NLRP7: variants seen among roughly 807,000 people sequenced by gnomAD.
NLRP7 encodes NACHT, LRR and PYD domains-containing protein 7.
NLRP7 carries 72 observed loss-of-function variants against 85.5 expected under a neutral mutation model. That is an observed-to-expected ratio of 0.84 (90% confidence interval 0.70 to 1.02). The LOEUF (loss-of-function observed/expected upper bound fraction) is 1.02, where lower values mean the gene tolerates loss of function less well. Ranked by LOEUF, NLRP7 falls within the 50% of genes least tolerant of loss-of-function variation. The pLI, the probability that NLRP7 is intolerant of heterozygous loss-of-function variation, is 0.00. For missense variants in NLRP7, 1,243 were observed against 1,219.5 expected (o/e 1.02, Z -0.29); for synonymous variants, 550 against 505.2 (o/e 1.09, Z -1.19).
chr19:54,952,242 CCT>C (rs895445906), upstream of NLRP7, among the ~76,000 whole-genome samples: 12 of 151,884 alleles, frequency 7.9e-5, no homozygotes, highest in South Asian at 2.1e-4. Flanking sequence ...TCTTCATGCC[CCT>C]GTCTCCGCCA....
At chr19:54,932,698 C>T (rs1028239316) in intron 8 of NLRP7, among the ~76,000 whole-genome samples, 5 of 152,018 alleles carry the variant, frequency 3.3e-5, no homozygotes, top group East Asian at 1.9e-4. Flanking sequence ...CTCTGTCGCC[C>T]GGGCTGGAGT....
exon 4 of NLRP7, chr19:54,940,139 A>T (rs1343117840): frequency 6.2e-7 from 1 of 1,614,154 alleles, no homozygotes; most frequent in Admixed American, 1.7e-5. Flanking sequence ...GTCTTTGGAG[A>T]TCAGCTCTGC....
intron 1 of NLRP7, among the ~76,000 whole-genome samples, chr19:54,954,835 A>C (rs1310466505): frequency 2.6e-5 from 4 of 152,048 alleles, no homozygotes; most frequent in Non-Finnish European, 5.9e-5. Flanking sequence ...CCTGGGCGAC[A>C]AGAGCAAAAC....
chr19:54,940,339 G>A (rs753423492), exon 4 of NLRP7: 3 of 1,614,192 alleles, frequency 1.9e-6, no homozygotes, highest in Non-Finnish European at 2.5e-6. Context: ...TGGGATTCAA[G>A]AATGGAATGA....
chr19:54,962,023 C>T (rs1024946021), intron 1 of NLRP7, among the ~76,000 whole-genome samples: 3 of 149,442 alleles, frequency 2.0e-5, no homozygotes, highest in African/African-American at 4.9e-5. Context: ...ATTAGCCGGG[C>T]GTGGTGGTAC....
upstream of NLRP7, among the ~76,000 whole-genome samples, chr19:54,949,723 A>G (rs1262175068): frequency 3.3e-5 from 5 of 152,162 alleles, no homozygotes; most frequent in South Asian, 2.1e-4. Context: ...GGGAGGGGAG[A>G]GGGGCTGAAG....
At position 54,939,331 on chromosome 19, in the gene NLRP7, G is replaced by A. The variant is rs775944680; in HGVS notation, c.1488C>T (p.Asp496=). The change falls in exon 4 of 10, where the codon GAC becomes GAT. Residue 496 remains aspartate (D), a synonymous_variant. Transcript: ENST00000340844. ...AAAGCAGCTTCTGTACGTCCCCGATGTCCCAGGCGTGGCCGTCCCTGTCCT... is the reference window on the plus strand; with the variant it reads ...AAAGCAGCTTCTGTACGTCCCCGATATCCCAGGCGTGGCCGTCCCTGTCCT... 9 of 1,614,140 alleles carry A rather than the reference G, an allele frequency of 5.6e-6. No homozygotes were observed. The highest frequency in any genetic ancestry group is 6.8e-6 in the Non-Finnish European group (8 of 1,179,960).
exon 4 of NLRP7, chr19:54,939,713 A>G (rs2069126676): frequency 6.2e-7 from 1 of 1,613,324 alleles, no homozygotes; most frequent in Admixed American, 1.7e-5. Context: ...AGTCGTGCAC[A>G]CAATCCAGCA....
intron 1 of NLRP7, among the ~76,000 whole-genome samples, chr19:54,944,908 G>A (rs762975693): frequency 7.2e-5 from 11 of 152,024 alleles, no homozygotes; most frequent in Non-Finnish European, 1.0e-4. Flanking sequence ...GTTGCCTTTC[G>A]TTTTTGCAGT....
chr19:54,954,372 T>C (rs1215034096), intron 1 of NLRP7, among the ~76,000 whole-genome samples: 2 of 138,282 alleles, frequency 1.4e-5, no homozygotes, highest in African/African-American at 2.8e-5. Flanking sequence ...TAAAAAAAAA[T>C]ACAACTAATT....
At chr19:54,933,513 A>C (rs1296968377) in intron 8 of NLRP7, 56 bp downstream of exon 8, 1 of 1,591,154 alleles carries the variant, frequency 6.3e-7, no homozygotes, top group East Asian at 2.2e-5. Flanking sequence ...AAGTACTTTC[A>C]TGTCTCTCCT....
chr19:54,938,807 G>A, intron 4 of NLRP7, 81 bp downstream of exon 4: 1 of 1,486,182 alleles, frequency 6.7e-7, no homozygotes, highest in Non-Finnish European at 9.3e-7. Flanking sequence ...CAGCCAGAGG[G>A]AAATTCTGAC....
chr19:54,933,858 T>C, intron 7 of NLRP7, 119 bp from the exon 8 acceptor site: 1 of 887,764 alleles, frequency 1.1e-6, no homozygotes, highest in East Asian at 2.5e-5. Context: ...TCCCCTGCCC[T>C]CTGTCCTGTG....
chr19:54,928,988 C>T (rs974036515), intron 9 of NLRP7, among the ~76,000 whole-genome samples: 4 of 152,014 alleles, frequency 2.6e-5, no homozygotes, highest in African/African-American at 7.2e-5. Flanking sequence ...GTAATCCACC[C>T]GTTTGCATTG....
chr19:54,956,693 C>CA (rs370229007), intron 1 of NLRP7, among the ~76,000 whole-genome samples: 8,927 of 118,408 alleles, frequency 0.075, 314 homozygotes, highest in Middle Eastern at 0.12. Flanking sequence ...GACTCTCCCT[C>CA]AAAAAAAAAA....
At chr19:54,948,637 C>A (rs933819056), upstream of NLRP7, among the ~76,000 whole-genome samples, 8 of 152,024 alleles carry the variant, frequency 5.3e-5, no homozygotes, top group Non-Finnish European at 1.2e-4. Context: ...GTGGTGCAAT[C>A]TCCATTCTTG....
upstream of NLRP7, among the ~76,000 whole-genome samples, chr19:54,952,375 C>T (rs920056118): frequency 7.9e-5 from 12 of 151,924 alleles, no homozygotes; most frequent in Non-Finnish European, 1.6e-4. Context: ...GGTGAATCAC[C>T]TGAGGTCAAG....
At chr19:54,924,152 G>T (rs145935932) in intron 9 of NLRP7, among the ~76,000 whole-genome samples, 1 of 152,142 alleles carries the variant, frequency 6.6e-6, no homozygotes, top group African/African-American at 2.4e-5. Flanking sequence ...ATTTACAGTA[G>T]AGATGGGGTT....
At chr19:54,953,934 G>A (rs1033470050) in intron 1 of NLRP7, among the ~76,000 whole-genome samples, 3 of 152,032 alleles carry the variant, frequency 2.0e-5, no homozygotes, top group Non-Finnish European at 4.4e-5. Flanking sequence ...GTGAACCCGG[G>A]TGATGGAGCT....
Sources: gnomAD v4.1 joint callset for allele counts (sites outside exome capture counted in the v4.1 genomes callset) on GRCh38, gnomAD v4.1.1 for gene constraint, MANE v1.5 for transcripts, NCBI Gene and HGNC (gene_info 2026-07-23, HGNC 2026-07-21) for gene names.